The following CNTN5 variants were observed in gnomAD, a reference collection of about 807,000 sequenced individuals.
The protein encoded by CNTN5 is contactin-5.
In CNTN5, 77 loss-of-function variants were observed where a neutral mutation model predicts 129.1. That is an observed-to-expected ratio of 0.60 (90% CI 0.50 to 0.72). The LOEUF (loss-of-function observed/expected upper bound fraction) is 0.72, where lower values mean the gene tolerates loss of function less well. CNTN5 is among the 30% of genes least tolerant of loss of function. The pLI, the probability that CNTN5 is intolerant of heterozygous loss-of-function variation, is 0.00. For synonymous variants in CNTN5, 509 were observed against 465.6 expected (o/e 1.09, Z -1.20); for missense variants, 1,478 against 1,328.8 (o/e 1.11, Z -1.75).
At chr11:99,371,134 C>T (rs12574856) in intron 2 of CNTN5, among the ~76,000 whole-genome samples, 3,631 of 152,012 alleles carry the variant, frequency 0.024, 244 homozygotes, top group East Asian at 0.18. Context: ...TTTTTTATAC[C>T]ACATATAGAT....
intron 3 of CNTN5, among the ~76,000 whole-genome samples, chr11:99,815,599 A>C (rs530942047): frequency 6.6e-6 from 1 of 152,286 alleles, no homozygotes; most frequent in South Asian, 2.1e-4. Context: ...GATCTTGAAA[A>C]GGCCTCTTCA....
chr11:99,935,523 T>C (rs1276553429), intron 7 of CNTN5, among the ~76,000 whole-genome samples: 1 of 152,136 alleles, frequency 6.6e-6, no homozygotes, highest in Non-Finnish European at 1.5e-5. Flanking sequence ...ATATTTCTTA[T>C]TGTAAATTGC....
chr11:99,632,548 AC>A (rs1202731818), intron 3 of CNTN5, among the ~76,000 whole-genome samples: 1 of 152,046 alleles, frequency 6.6e-6, no homozygotes, highest in African/African-American at 2.4e-5. Flanking sequence ...CTTTACTTGT[AC>A]CCCAAATTGA....
chr11:99,144,284 A>G (rs1859671851), intron 1 of CNTN5, among the ~76,000 whole-genome samples: 1 of 152,210 alleles, frequency 6.6e-6, no homozygotes, highest in Admixed American at 6.5e-5. Context: ...AGATATTTGG[A>G]ATCATTCAAG....
intron 1 of CNTN5, among the ~76,000 whole-genome samples, chr11:99,184,706 T>C (rs1258338908): frequency 6.6e-6 from 1 of 152,066 alleles, no homozygotes; most frequent in African/African-American, 2.4e-5. Context: ...CAGCTTGAAG[T>C]GTATTACTTT....
At chr11:100,168,880 G>T (rs1947737648) in intron 13 of CNTN5, among the ~76,000 whole-genome samples, 1 of 151,946 alleles carries the variant, frequency 6.6e-6, no homozygotes, top group African/African-American at 2.4e-5. Context: ...TTCATGGCAG[G>T]AGGTCAGAAT....
At chr11:99,121,139 T>A (rs7933277) in intron 1 of CNTN5, among the ~76,000 whole-genome samples, 4 of 133,334 alleles carry the variant, frequency 3.0e-5, no homozygotes, top group East Asian at 2.0e-4. Context: ...TTCTTTCTTT[T>A]TTTTTTTTTT....
intron 1 of CNTN5, among the ~76,000 whole-genome samples, chr11:99,287,703 G>A (rs568882456): frequency 1.2e-4 from 19 of 152,020 alleles, no homozygotes; most frequent in African/African-American, 3.9e-4. Flanking sequence ...TTATGCATAC[G>A]ATTAGGAGCC....
intron 3 of CNTN5, among the ~76,000 whole-genome samples, chr11:99,730,084 T>C (rs1187664855): frequency 1.3e-5 from 2 of 152,186 alleles, no homozygotes; most frequent in Non-Finnish European, 2.9e-5. Context: ...ATGAGAGGGC[T>C]AAGATCCCTC....
intron 9 of CNTN5, among the ~76,000 whole-genome samples, chr11:100,015,493 AG>A (rs756943901): frequency 7.2e-5 from 11 of 152,166 alleles, no homozygotes; most frequent in Non-Finnish European, 1.6e-4. Context: ...ATAAGCACAG[AG>A]TAAGAGCAAA....
At chr11:100,206,911 G>T (rs1376759664) in intron 15 of CNTN5, among the ~76,000 whole-genome samples, 1 of 151,778 alleles carries the variant, frequency 6.6e-6, no homozygotes, top group Non-Finnish European at 1.5e-5. Flanking sequence ...TAAACAAATA[G>T]AATTGTATAT....
intron 1 of CNTN5, among the ~76,000 whole-genome samples, chr11:99,153,094 A>G (rs1860151154): frequency 6.6e-6 from 1 of 152,096 alleles, no homozygotes; most frequent in African/African-American, 2.4e-5. Flanking sequence ...TTGTTTTGAC[A>G]TTGGAGAATC....
At chr11:99,841,749 A>G (rs1165743285) in intron 4 of CNTN5, among the ~76,000 whole-genome samples, 5 of 147,446 alleles carry the variant, frequency 3.4e-5, no homozygotes, top group South Asian at 2.2e-4. Context: ...CAAGAATTCA[A>G]TAGCCTTAGA....
At chr11:99,163,553 T>C (rs1860721970) in intron 1 of CNTN5, among the ~76,000 whole-genome samples, 2 of 152,176 alleles carry the variant, frequency 1.3e-5, no homozygotes, top group African/African-American at 4.8e-5. Flanking sequence ...AACAAATTTT[T>C]AAATAATGTC....
intron 1 of CNTN5, among the ~76,000 whole-genome samples, chr11:99,201,709 A>G (rs1859218365): frequency 6.6e-6 from 1 of 152,150 alleles, no homozygotes; most frequent in African/African-American, 2.4e-5. Context: ...AGATGTAACT[A>G]TGGAGGAAAG....
intron 2 of CNTN5, among the ~76,000 whole-genome samples, chr11:99,370,988 G>T (rs894078182): frequency 2.0e-5 from 3 of 152,176 alleles, no homozygotes; most frequent in Non-Finnish European, 2.9e-5. Flanking sequence ...GAGAGGCAGG[G>T]CGCTGCTCCA....
intron 3 of CNTN5, among the ~76,000 whole-genome samples, chr11:99,602,469 G>A (rs977668256): frequency 6.6e-6 from 1 of 152,002 alleles, no homozygotes; most frequent in Non-Finnish European, 1.5e-5. Flanking sequence ...AGGAGCAAAA[G>A]GTTCATTGAC....
At chr11:99,145,588 T>C (rs1017278301) in intron 1 of CNTN5, among the ~76,000 whole-genome samples, 51 of 152,184 alleles carry the variant, frequency 3.4e-4, no homozygotes, top group African/African-American at 1.2e-3. Flanking sequence ...ACAATTCTTC[T>C]TACTGTGAGT....
chr11:99,377,959 A>T (rs1940289873), intron 2 of CNTN5, among the ~76,000 whole-genome samples: 1 of 152,134 alleles, frequency 6.6e-6, no homozygotes, highest in East Asian at 1.9e-4. Context: ...GAGAAAGGAA[A>T]CCTTGCTTTG....
Sources: gnomAD v4.1 joint callset for allele counts (sites outside exome capture counted in the v4.1 genomes callset) on GRCh38, gnomAD v4.1.1 for gene constraint, MANE v1.5 for transcripts, NCBI Gene and HGNC (gene_info 2026-07-23, HGNC 2026-07-21) for gene names.